The following BRIP1 variants were observed in gnomAD, a reference collection of about 807,000 sequenced individuals.
BRIP1 encodes BRCA1 interacting DNA helicase 1.
A neutral mutation model predicts 119.7 loss-of-function variants in BRIP1; 88 were observed. That is an observed-to-expected ratio of 0.74 (90% confidence interval 0.62 to 0.88). The LOEUF is 0.88. Among genes scored for constraint, BRIP1 ranks in the 40% least tolerant of loss-of-function variants. BRIP1 has a pLI of 0.00. For synonymous variants in BRIP1, 443 were observed against 496.5 expected, an observed-to-expected ratio of 0.89 and a Z score of 1.43; for missense variants, 1,259 against 1,455.4, an observed-to-expected ratio of 0.87 and a Z score of 2.20.
Position 61,793,822 on chromosome 17 carries a change from GA to G in BRIP1, c.1341-94del. ...AGAATCATCATTATTGTCATGCGTT[GA>G]TCTGTATATCTTGACATTCTTAGGA... On this transcript the variant is annotated intron_variant, in intron 9 of 19. Coordinates refer to ENST00000259008, the MANE Select transcript of BRIP1 (RefSeq NM_032043.3). This position sits in a 1 kb window ranked among gnomAD's most constrained non-coding sequence, Gnocchi z 5.2. 7.6e-7 allele frequency: 1 copy of G among 1,320,448 alleles called. No individual in the cohort carries two copies. Among genetic ancestry groups the G allele is most frequent in the Non-Finnish European group, 1.0e-6 (1 of 963,210 alleles). 81.8% of individuals were successfully genotyped at this position (1,320,448 alleles called of 1,614,324 possible).
At chr17:61,702,191 G>T (rs2061624575) in intron 17 of BRIP1, among the ~76,000 whole-genome samples, 1 of 152,118 alleles carries the variant, frequency 6.6e-6, no homozygotes, top group Admixed American at 6.6e-5. Context: ...TACCCAATTT[G>T]CTGGCACTCT....
In BRIP1 at chr17:61,797,380, G is replaced by A. The variant is rs1052161539; in HGVS notation, c.1340+1720C>T. Among the ~76,000 whole-genome samples the A allele has an allele frequency of 6.6e-4, 101 of 151,948 alleles. 1 individual carries two copies. The highest frequency in any genetic ancestry group is 2.4e-3 in the African/African-American group (99 of 41,392). ...TAAGACAAAAATGCTTTTCAAAGAG[G>A]TAGTCATCAACTACCCAACACCACT... On this transcript the variant is annotated intron_variant, in intron 9 of 19. Coordinates refer to ENST00000259008, the MANE Select transcript of BRIP1 (RefSeq NM_032043.3).
intron 11 of BRIP1, among the ~76,000 whole-genome samples, chr17:61,781,549 G>A (rs1366911269): frequency 6.6e-6 from 1 of 152,168 alleles, no homozygotes; most frequent in Non-Finnish European, 1.5e-5. Context: ...TAATGAAGGT[G>A]CTGAACCAGA....
chr17:61,824,394 T>C lies in BRIP1; in HGVS notation c.628-15637A>G, dbSNP rs2078374019. On this transcript the variant is annotated intron_variant, in intron 6 of 19. Transcript: ENST00000259008. This position sits in a 1 kb window ranked among gnomAD's most constrained non-coding sequence, Gnocchi z 4.3. Reference sequence around the variant, plus strand: ...AAAGAACAAAACTGGAGGTCTCACATTTTCTGATTTCTAAACTTACTACAA... The same window carrying C: ...AAAGAACAAAACTGGAGGTCTCACACTTTCTGATTTCTAAACTTACTACAA... Among the ~76,000 whole-genome samples the C allele has an allele frequency of 6.6e-6, 1 of 152,192 alleles. No individual in the cohort carries two copies. The highest frequency in any genetic ancestry group is 2.4e-5 in the African/African-American group (1 of 41,444).
At chr17:61,715,625 C>T (rs1170841582) in intron 17 of BRIP1, among the ~76,000 whole-genome samples, 1 of 152,072 alleles carries the variant, frequency 6.6e-6, no homozygotes, top group Non-Finnish European at 1.5e-5. Flanking sequence ...GTTATCTGAG[C>T]TTTGATGTTC....
In BRIP1 at chr17:61,749,404, C is replaced by G. The variant is rs2109255; in HGVS notation, c.2098-4813G>C. On this transcript the variant is annotated intron_variant, in intron 14 of 19. Transcript: ENST00000259008. ...TAATATCCAAAATATATTAAGAAAC[C>G]CAATATTAAAAAAAAATTGAAAAAC... Among the ~76,000 whole-genome samples the G allele has an allele frequency of 5.7e-3, 866 of 151,942 alleles. 5 individuals carry two copies. Among genetic ancestry groups the G allele is most frequent in the African/African-American group, 0.02 (828 of 41,458 alleles).
rs1448296012 is a variant in BRIP1, at chr17:61,847,019, ATTG to A, written c.627+79_627+81del. 1.9e-6 allele frequency: 3 copies of A among 1,543,892 alleles called. No homozygotes were observed. The African/African-American group carries it at 4.1e-5, about 21-fold the overall frequency. ...TTGCTACTGTCCTTTGTATTATACT[ATTG>A]TTCCTCTTTTGTCAAAAATTGGTTT... is the stretch of plus-strand genomic sequence containing the variant. On this transcript the variant is annotated intron_variant, in intron 6 of 19. Coordinates refer to ENST00000259008, the MANE Select transcript of BRIP1 (RefSeq NM_032043.3).
chr17:61,738,554 A>C lies in BRIP1; in HGVS notation c.2379+4459T>G, dbSNP rs150254907. ...GATCATGACTGAGGAATGTCAGAGT[A>C]GGCCATCAGGTGTCTTTTTTGCATG... On this transcript the variant is annotated intron_variant, in intron 16 of 19. Transcript: ENST00000259008. This position sits in a 1 kb window ranked among gnomAD's most constrained non-coding sequence, Gnocchi z 4.2. 1.9e-3 allele frequency among the ~76,000 whole-genome samples: 295 copies of C among 152,290 alleles called. 3 individuals carry two copies. Among genetic ancestry groups the C allele is most frequent in the African/African-American group, 6.9e-3 (285 of 41,576 alleles).
At chr17:61,830,211 G>A (rs1390713384) in intron 6 of BRIP1, among the ~76,000 whole-genome samples, 1 of 151,762 alleles carries the variant, frequency 6.6e-6, no homozygotes, top group Non-Finnish European at 1.5e-5. Flanking sequence ...TGGGATTACA[G>A]GGGTAAGCCA....
intron 14 of BRIP1, among the ~76,000 whole-genome samples, chr17:61,773,792 T>G (rs937321297): frequency 2.2e-4 from 33 of 152,030 alleles, no homozygotes; most frequent in Non-Finnish European, 1.9e-4. Context: ...AACAGACACT[T>G]CTCAAAAGAA....
rs540739460 is a variant in BRIP1 at position 61,703,158 on chromosome 17, G to A, written c.2493-9646C>T. On this transcript the variant is annotated intron_variant, in intron 17 of 19. Coordinates refer to ENST00000259008, the MANE Select transcript of BRIP1 (RefSeq NM_032043.3). This position sits in a 1 kb window ranked among gnomAD's most constrained non-coding sequence, Gnocchi z 5.0. ...CAACTCACTGCAAACTCCACCTCCC[G>A]GGTTCAAACGATTCTCCTGCTTAGC... Among the ~76,000 whole-genome samples the A allele has an allele frequency of 3.3e-5, 5 of 152,024 alleles. No homozygotes were observed. Among genetic ancestry groups the A allele is most frequent in the South Asian group, 2.1e-4 (1 of 4,800 alleles).
chr17:61,729,254 G>A lies in BRIP1; in HGVS notation c.2380-13191C>T, dbSNP rs991007488. Reference sequence around the variant, plus strand: ...AGATCACGCCATTGCACTCCAGCCTGGGAAACAAAAGCAAACTCCGTCTCA... The same window carrying A: ...AGATCACGCCATTGCACTCCAGCCTAGGAAACAAAAGCAAACTCCGTCTCA... On this transcript the variant is annotated intron_variant, in intron 16 of 19. Transcript: ENST00000259008. The surrounding 1 kb of genome is among the most constrained non-coding windows in gnomAD (Gnocchi z 5.6). Among the ~76,000 whole-genome samples, 1 of 151,846 alleles carries A rather than the reference G, an allele frequency of 6.6e-6. No individual in the cohort carries two copies. The highest frequency in any genetic ancestry group is 2.4e-5 in the African/African-American group (1 of 41,316).
intron 14 of BRIP1, among the ~76,000 whole-genome samples, chr17:61,763,614 A>T (rs974865818): frequency 6.6e-6 from 1 of 152,130 alleles, no homozygotes; most frequent in African/African-American, 2.4e-5. Context: ...ATGAGCTCTA[A>T]CCATTCATTC....
rs1272334591 is a variant in BRIP1 at position 61,699,042 on chromosome 17, CT to C, written c.2493-5531del. 6.6e-6 allele frequency among the ~76,000 whole-genome samples: 1 copy of C among 151,928 alleles called. No individual in the cohort carries two copies. ...ATAAAATGTTAATTGTTTCTATTAA[CT>C]TTTTTTTGTCTTAAGGGTCTATTTT... On this transcript the variant is annotated intron_variant, in intron 17 of 19. Coordinates refer to ENST00000259008, the MANE Select transcript of BRIP1 (RefSeq NM_032043.3). The surrounding 1 kb of genome is among the most constrained non-coding windows in gnomAD (Gnocchi z 4.8).
At chr17:61,702,983 T>C (rs2061638207) in intron 17 of BRIP1, among the ~76,000 whole-genome samples, 1 of 151,940 alleles carries the variant, frequency 6.6e-6, no homozygotes, top group Non-Finnish European at 1.5e-5. Flanking sequence ...TTTTTTTTTT[T>C]TTTTTTTTGA....
chr17:61,787,413 T>A (rs1305791029), intron 10 of BRIP1, among the ~76,000 whole-genome samples: 14 of 108,136 alleles, frequency 1.3e-4, no homozygotes, highest in Admixed American at 2.0e-4. Flanking sequence ...TATAAAATAT[T>A]TATATAAAAT....
chr17:61,744,579 A>C lies in BRIP1; in HGVS notation c.2110T>G (p.Leu704Val). 1 of 1,613,218 alleles carries C rather than the reference A, an allele frequency of 6.2e-7. No individual in the cohort carries two copies. Among genetic ancestry groups the C allele is most frequent in the Non-Finnish European group, 8.5e-7 (1 of 1,179,336 alleles). The change falls in exon 15 of 20, where the codon TTA (leucine) becomes GTA (valine). Residue 704 changes from leucine (L) to valine (V), a missense_variant. By Grantham distance (32) the Leu-to-Val change is conservative. Around this residue, in one of 3 missense-constraint regions of BRIP1, gnomAD observed 753 missense variants for 891.8 expected, o/e 0.84. Transcript: ENST00000259008. This position sits in a 1 kb window ranked among gnomAD's most constrained non-coding sequence, Gnocchi z 5.0. ...CCAGTAGAGAGCCAACGTTCTTTTA[A>C]TTTTTCTAATAACTAAAGAGGGGAA... ...FLPSYKLLEKLKERWLSTGLW... is the reference protein window; with the variant it reads ...FLPSYKLLEKVKERWLSTGLW...
At position 61,753,237 on chromosome 17, in the gene BRIP1, A is replaced by C. The variant is rs2077156089; in HGVS notation, c.2098-8646T>G. On this transcript the variant is annotated intron_variant, in intron 14 of 19. Coordinates refer to ENST00000259008, the MANE Select transcript of BRIP1 (RefSeq NM_032043.3). This position sits in a 1 kb window ranked among gnomAD's most constrained non-coding sequence, Gnocchi z 4.6. ...GCAGCCTCTCAGTCTTGAACTTCTC[A>C]GCCTCTGTAACTGCAAGAAATAAAT... Among the ~76,000 whole-genome samples the C allele has an allele frequency of 6.6e-6, 1 of 152,192 alleles. No individual in the cohort carries two copies. Among genetic ancestry groups the C allele is most frequent in the African/African-American group, 2.4e-5 (1 of 41,458 alleles).
At chr17:61,721,849 C>T (rs2061983654) in intron 16 of BRIP1, among the ~76,000 whole-genome samples, 1 of 151,600 alleles carries the variant, frequency 6.6e-6, no homozygotes, top group Non-Finnish European at 1.5e-5. Flanking sequence ...AGGTGCACGC[C>T]ACCATGCCCA....
Sources: allele counts gnomAD v4.1 joint callset (sites outside exome capture counted in the v4.1 genomes callset), GRCh38; gene constraint gnomAD v4.1.1; regional missense constraint gnomAD v4.1.1; non-coding constraint Gnocchi (gnomAD v3.1); transcripts MANE v1.5; gene names NCBI Gene and HGNC (gene_info 2026-07-23, HGNC 2026-07-21).